Variants in MIR2052HG observed in about 807,000 individuals in gnomAD.
MIR2052HG encodes the protein MIR2052 host gene.
In MIR2052HG at chr8:74,602,717, A is replaced by T. The variant is rs544070869; in HGVS notation, n.128+2809A>T. Among the ~76,000 whole-genome samples the T allele has an allele frequency of 8.7e-4, 131 of 151,020 alleles. 1 individual carries two copies. The South Asian group carries it at 0.013, about 15-fold the overall frequency. Reference sequence around the variant, plus strand: ...TTTTAAGCAGAGACGGAGTTTCACCATGTTGGCCAGGCTGGTCTCAAACTC... The same window carrying T: ...TTTTAAGCAGAGACGGAGTTTCACCTTGTTGGCCAGGCTGGTCTCAAACTC... On this transcript the variant is annotated intron_variant and non_coding_transcript_variant, in intron 1 of 6. Coordinates refer to ENST00000523442, the Ensembl canonical transcript of MIR2052HG.
intron 2 of MIR2052HG, chr8:74,702,289 A>G (rs1006437044): frequency 4.0e-6 from 1 of 247,542 alleles, no homozygotes; most frequent in African/African-American, 2.3e-5. Context: ...AAGGGATAAA[A>G]GAATATGCAT....
chr8:74,655,737 C>G (rs1021079281), intron 2 of MIR2052HG, among the ~76,000 whole-genome samples: 1 of 152,152 alleles, frequency 6.6e-6, no homozygotes, highest in Admixed American at 6.6e-5. Context: ...CCCAAACACA[C>G]ATAGCATCCA....
chr8:74,700,718 T>C (rs977136490), intron 2 of MIR2052HG, among the ~76,000 whole-genome samples: 1 of 152,124 alleles, frequency 6.6e-6, no homozygotes, highest in Admixed American at 6.6e-5. Context: ...ATTGTATTTT[T>C]TGTGCAATCC....
chr8:74,755,008 A>G (rs1586932768), intron 5 of MIR2052HG, among the ~76,000 whole-genome samples: 1 of 152,334 alleles, frequency 6.6e-6, no homozygotes, highest in African/African-American at 2.4e-5. Flanking sequence ...GGAGACAACT[A>G]GAGAAATGAA....
intron 2 of MIR2052HG, among the ~76,000 whole-genome samples, chr8:74,692,728 C>G (rs73339243): frequency 6.6e-6 from 1 of 152,160 alleles, no homozygotes; most frequent in Admixed American, 6.5e-5. Flanking sequence ...TGTTTTATAA[C>G]GCTTGCCTAA....
intron 4 of MIR2052HG, among the ~76,000 whole-genome samples, chr8:74,732,948 A>G (rs1429411035): frequency 6.6e-6 from 1 of 152,112 alleles, no homozygotes; most frequent in Non-Finnish European, 1.5e-5. Context: ...GCCCTTAGAG[A>G]GCTGTGCACA....
rs544693645 is a variant in MIR2052HG at position 74,634,505 on chromosome 8, A to G, written n.216+21565A>G. On this transcript the variant is annotated intron_variant and non_coding_transcript_variant, in intron 2 of 6. Transcript: ENST00000523442. ...TAATTTCTTAATACATTCTTAATAC[A>G]TTTTCACCTTAAATTTTTTTTTGAG... Among the ~76,000 whole-genome samples, 10 of 152,156 alleles carry G rather than the reference A, an allele frequency of 6.6e-5. No homozygotes were observed. In the South Asian group the frequency reaches 2.1e-3, roughly 32 times the overall value.
At chr8:74,641,728 A>G (rs959754173) in intron 2 of MIR2052HG, among the ~76,000 whole-genome samples, 2 of 152,208 alleles carry the variant, frequency 1.3e-5, no homozygotes, top group Non-Finnish European at 2.9e-5. Context: ...ATCAATATAC[A>G]TGAACCTGTT....
rs145470988 is a variant in MIR2052HG, at chr8:74,647,352, C to T, written n.216+34412C>T. Among the ~76,000 whole-genome samples the T allele has an allele frequency of 2.0e-3, 299 of 152,194 alleles. No individual in the cohort carries two copies. The Middle Eastern group carries it at 0.024, about 12-fold the overall frequency. On this transcript the variant is annotated intron_variant and non_coding_transcript_variant, in intron 2 of 6. Coordinates refer to ENST00000523442, the Ensembl canonical transcript of MIR2052HG. Reference sequence around the variant, plus strand: ...TGCTTTAACTGTGAAATGGAGATGACGAAATGGCTCTTCTTACAAGGTGGT... The same window carrying T: ...TGCTTTAACTGTGAAATGGAGATGATGAAATGGCTCTTCTTACAAGGTGGT...
intron 2 of MIR2052HG, among the ~76,000 whole-genome samples, chr8:74,655,711 G>C (rs905036208): frequency 6.6e-5 from 10 of 152,228 alleles, no homozygotes; most frequent in Non-Finnish European, 1.3e-4. Flanking sequence ...GAAGGAAAAT[G>C]TGGGGTTGGA....
intron 1 of MIR2052HG, among the ~76,000 whole-genome samples, chr8:74,602,026 GA>G (rs1563507977): frequency 6.6e-6 from 1 of 152,164 alleles, no homozygotes; most frequent in Non-Finnish European, 1.5e-5. Context: ...ACTCCATCCT[GA>G]ATAGGGTCTG....
chr8:74,667,895 T>C (rs577313942), intron 2 of MIR2052HG, among the ~76,000 whole-genome samples: 1 of 152,214 alleles, frequency 6.6e-6, no homozygotes, highest in South Asian at 2.1e-4. Flanking sequence ...AAGCTGGGTT[T>C]GGTTTATTTT....
At chr8:74,679,236 C>T (rs938336869) in intron 2 of MIR2052HG, among the ~76,000 whole-genome samples, 13 of 152,100 alleles carry the variant, frequency 8.5e-5, no homozygotes, top group Non-Finnish European at 1.6e-4. Flanking sequence ...TCTTTTATCT[C>T]TCACCTCTAT....
At chr8:74,630,090 T>C (rs10504582) in intron 2 of MIR2052HG, among the ~76,000 whole-genome samples, 11,808 of 152,260 alleles carry the variant, frequency 0.078, 638 homozygotes, top group African/African-American at 0.14. Context: ...TATGTCATAG[T>C]GGAAGTTCAG....
chr8:74,657,290 A>T (rs1334139490), intron 2 of MIR2052HG, among the ~76,000 whole-genome samples: 2 of 152,184 alleles, frequency 1.3e-5, no homozygotes, highest in Non-Finnish European at 2.9e-5. Context: ...GAGGATGGGG[A>T]GGAGAAGAAA....
rs1040908030 is a variant in MIR2052HG at position 74,708,211 on chromosome 8, C to T, written n.371+4529C>T. 3.3e-5 allele frequency among the ~76,000 whole-genome samples: 5 copies of T among 152,130 alleles called. No homozygotes were observed. The East Asian group carries it at 7.7e-4, about 23-fold the overall frequency. ...GAACCCACTCACAGGATCTTAATAT[C>T]CTCTGCCAAAGGAGTCATCATCTGA... On this transcript the variant is annotated intron_variant and non_coding_transcript_variant, in intron 4 of 6. Transcript: ENST00000523442.
At chr8:74,679,372 T>G (rs1390556464) in intron 2 of MIR2052HG, among the ~76,000 whole-genome samples, 1 of 152,114 alleles carries the variant, frequency 6.6e-6, no homozygotes, top group East Asian at 1.9e-4. Flanking sequence ...GAGTTATTTC[T>G]TTTACAGTAA....
chr8:74,600,252 C>T (rs60856070), intron 1 of MIR2052HG, among the ~76,000 whole-genome samples: 2 of 151,922 alleles, frequency 1.3e-5, no homozygotes, highest in Non-Finnish European at 2.9e-5. Context: ...TGGCTCCTCC[C>T]TGAAAGCTCT....
At chr8:74,680,626 T>G (rs889784792) in intron 2 of MIR2052HG, among the ~76,000 whole-genome samples, 1 of 152,172 alleles carries the variant, frequency 6.6e-6, no homozygotes, top group Non-Finnish European at 1.5e-5. Flanking sequence ...GACTGTAAAC[T>G]AGTTCAACCA....
Sources: allele counts gnomAD v4.1 joint callset (sites outside exome capture counted in the v4.1 genomes callset), GRCh38; gene constraint gnomAD v4.1.1; transcripts MANE v1.5; gene names NCBI Gene and HGNC (gene_info 2026-07-23, HGNC 2026-07-21).